TMEM132D: variants seen among roughly 807,000 people sequenced by gnomAD.
The protein encoded by TMEM132D is transmembrane protein 132D.
A neutral mutation model predicts 62.3 loss-of-function variants in TMEM132D; 21 were observed. The observed-to-expected ratio is 0.34, with a 90% CI of 0.24 to 0.49. The LOEUF (loss-of-function observed/expected upper bound fraction) is 0.49, where lower values mean the gene tolerates loss of function less well. TMEM132D is among the 20% of genes least tolerant of loss of function. The probability of loss-of-function intolerance (pLI) is 0.99; values close to 1 mark genes in which losing one functional copy is unlikely to be tolerated. For missense variants in TMEM132D, 1,346 were observed against 1,402.8 expected (o/e 0.96, Z 0.65); for synonymous variants, 621 against 575.6 (o/e 1.08, Z -1.13).
intron 3 of TMEM132D, among the ~76,000 whole-genome samples, chr12:129,440,400 G>A (rs1038684467): frequency 1.4e-4 from 21 of 152,198 alleles, no homozygotes; most frequent in African/African-American, 4.8e-4. Flanking sequence ...GAGATCTGGA[G>A]AGTGAAAAGA....
At chr12:129,805,131 G>C (rs1348492954) in intron 1 of TMEM132D, among the ~76,000 whole-genome samples, 1 of 151,110 alleles carries the variant, frequency 6.6e-6, no homozygotes, top group Non-Finnish European at 1.5e-5. Flanking sequence ...GTCATTTACA[G>C]ATTCAATGTC....
intron 4 of TMEM132D, among the ~76,000 whole-genome samples, chr12:129,236,104 T>TTGTGTGTGTGTGTGTGTGTGTG (rs71072452): frequency 6.8e-6 from 1 of 146,808 alleles, no homozygotes; most frequent in Non-Finnish European, 1.5e-5. Flanking sequence ...TGATGCTATT[T>TTGTGTGTGTGTGTGTGTGTGTG]TGTGTGTGTG....
chr12:129,718,620 G>A (rs1565960686), intron 1 of TMEM132D, among the ~76,000 whole-genome samples: 1 of 152,142 alleles, frequency 6.6e-6, no homozygotes, highest in Non-Finnish European at 1.5e-5. Flanking sequence ...TTTTGCAAAT[G>A]TCAGACACTT....
chr12:129,076,341 G>T (rs994484325), intron 8 of TMEM132D, among the ~76,000 whole-genome samples: 1 of 152,210 alleles, frequency 6.6e-6, no homozygotes, highest in Non-Finnish European at 1.5e-5. Context: ...TTGCAGCTGG[G>T]TTCTGTGAGA....
intron 3 of TMEM132D, among the ~76,000 whole-genome samples, chr12:129,516,077 C>T (rs1188471814): frequency 1.3e-5 from 2 of 152,176 alleles, no homozygotes; most frequent in East Asian, 1.9e-4. Context: ...CTCAGGACTG[C>T]TGGATGTGTC....
intron 3 of TMEM132D, among the ~76,000 whole-genome samples, chr12:129,416,568 G>C (rs188393321): frequency 6.6e-6 from 1 of 152,236 alleles, no homozygotes; most frequent in East Asian, 1.9e-4. Context: ...TGACTGCCCT[G>C]GCCAGCACTT....
chr12:129,896,405 G>A (rs189638194), intron 1 of TMEM132D, among the ~76,000 whole-genome samples: 18 of 152,238 alleles, frequency 1.2e-4, no homozygotes, highest in South Asian at 8.3e-4. Flanking sequence ...GGGCAATGTC[G>A]CCATCTGTTT....
intron 3 of TMEM132D, among the ~76,000 whole-genome samples, chr12:129,525,489 T>A (rs1566098340): frequency 6.6e-6 from 1 of 152,112 alleles, no homozygotes; most frequent in African/African-American, 2.4e-5. Context: ...AATAAAAGCA[T>A]CCTTCATGGT....
chr12:129,740,580 C>T (rs1869570848), intron 1 of TMEM132D, among the ~76,000 whole-genome samples: 1 of 152,148 alleles, frequency 6.6e-6, no homozygotes, highest in Non-Finnish European at 1.5e-5. Context: ...CTTGCACAAA[C>T]TAGTTCTACT....
chr12:129,192,834 A>G (rs2135557209), intron 5 of TMEM132D, among the ~76,000 whole-genome samples: 1 of 152,298 alleles, frequency 6.6e-6, no homozygotes, highest in Non-Finnish European at 1.5e-5. Context: ...TCAAATCCTA[A>G]ATCACTATAT....
At chr12:129,180,902 C>G (rs1206072934) in intron 5 of TMEM132D, among the ~76,000 whole-genome samples, 1 of 151,654 alleles carries the variant, frequency 6.6e-6, no homozygotes, top group Non-Finnish European at 1.5e-5. Context: ...TTCCGGGCTA[C>G]AGAGAGGAGT....
chr12:129,339,512 T>A (rs1208453557), intron 3 of TMEM132D, among the ~76,000 whole-genome samples: 2 of 149,904 alleles, frequency 1.3e-5, no homozygotes, highest in Non-Finnish European at 3.0e-5. Flanking sequence ...AGAAAGTGGT[T>A]TAATTCTTTG....
chr12:129,566,692 C>T (rs1485532935), intron 2 of TMEM132D, among the ~76,000 whole-genome samples: 1 of 152,166 alleles, frequency 6.6e-6, no homozygotes, highest in East Asian at 1.9e-4. Context: ...AATCCCCTTC[C>T]CTTTCCAGGT....
intron 5 of TMEM132D, among the ~76,000 whole-genome samples, chr12:129,180,260 T>C (rs1477336587): frequency 6.6e-6 from 1 of 152,044 alleles, no homozygotes; most frequent in Admixed American, 6.6e-5. Flanking sequence ...TTCATATTTG[T>C]TCTCACTCTG....
chr12:129,574,928 C>T (rs939576111), intron 2 of TMEM132D, among the ~76,000 whole-genome samples: 1 of 151,762 alleles, frequency 6.6e-6, no homozygotes, highest in African/African-American at 2.4e-5. Flanking sequence ...AAAGGAGATG[C>T]AGATGCCCGA....
At chr12:129,233,787 C>T (rs964348751) in intron 4 of TMEM132D, among the ~76,000 whole-genome samples, 4 of 151,982 alleles carry the variant, frequency 2.6e-5, no homozygotes, top group African/African-American at 7.3e-5. Context: ...CCACCACGCC[C>T]GGCTAACCCT....
chr12:129,891,743 T>C (rs2137394505), intron 1 of TMEM132D, among the ~76,000 whole-genome samples: 1 of 152,338 alleles, frequency 6.6e-6, no homozygotes, highest in South Asian at 2.1e-4. Flanking sequence ...ATAGAAACTT[T>C]GAAGCCATGA....
At chr12:129,587,068 T>C (rs577359780) in intron 2 of TMEM132D, among the ~76,000 whole-genome samples, 1 of 152,238 alleles carries the variant, frequency 6.6e-6, no homozygotes, top group East Asian at 1.9e-4. Context: ...AGCATGTGCA[T>C]AGCAATTTCA....
rs1020765517 is a variant in TMEM132D at position 129,578,217 on chromosome 12, T to C, written c.969-47012A>G. Reference sequence around the variant, plus strand: ...CTGGGAGTTACATCAGCAGCCCTCTTAGCTCTCAGGCCTTCGGACTCAGAA... The same window carrying C: ...CTGGGAGTTACATCAGCAGCCCTCTCAGCTCTCAGGCCTTCGGACTCAGAA... On this transcript the variant is annotated intron_variant, in intron 2 of 8. Transcript: ENST00000422113. 2.0e-5 allele frequency among the ~76,000 whole-genome samples: 3 copies of C among 152,214 alleles called. No homozygotes were observed. In the East Asian group the frequency reaches 5.8e-4, roughly 29 times the overall value.
Sources: allele counts gnomAD v4.1 joint callset (sites outside exome capture counted in the v4.1 genomes callset), GRCh38; gene constraint gnomAD v4.1.1; transcripts MANE v1.5; gene names NCBI Gene and HGNC (gene_info 2026-07-23, HGNC 2026-07-21).